PUM1: variants seen among roughly 807,000 people sequenced by gnomAD.
PUM1 encodes the protein pumilio homolog 1.
In PUM1, 13 loss-of-function variants were observed where a neutral mutation model predicts 131.8. The observed-to-expected ratio is 0.10, with a 90% CI of 0.06 to 0.16. The LOEUF (loss-of-function observed/expected upper bound fraction) is 0.16, where lower values mean the gene tolerates loss of function less well. Among genes scored for constraint, PUM1 ranks in the 10% least tolerant of loss-of-function variants. The pLI, the probability that PUM1 is intolerant of heterozygous loss-of-function variation, is 1.00. For synonymous variants in PUM1, 509 were observed against 556.5 expected (o/e 0.91, Z 1.20); for missense variants, 961 against 1,512.4 (o/e 0.64, Z 6.05).
At chr1:31,006,099 C>T (rs1409861546) in intron 4 of PUM1, 68 bp from the exon 5 acceptor site, 1 of 1,348,766 alleles carries the variant, frequency 7.4e-7, no homozygotes, top group Non-Finnish European at 1.0e-6. Flanking sequence ...AGTGATGTCT[C>T]ATGGATAACC....
chr1:31,057,482 T>C (rs1401430245), intron 2 of PUM1, among the ~76,000 whole-genome samples: 1 of 149,984 alleles, frequency 6.7e-6, no homozygotes, highest in Non-Finnish European at 1.5e-5. Context: ...CCCAGCACTT[T>C]GGGAGGCTGA....
chr1:30,983,880 G>A (rs1156921189), intron 7 of PUM1, among the ~76,000 whole-genome samples: 1 of 151,628 alleles, frequency 6.6e-6, no homozygotes, highest in African/African-American at 2.4e-5. Context: ...TGGAATTACA[G>A]GCGTGAGCCA....
chr1:30,954,038 G>C (rs944709439), intron 14 of PUM1, 57 bp from the exon 15 acceptor site: 23 of 1,547,622 alleles, frequency 1.5e-5, no homozygotes, highest in Non-Finnish European at 1.8e-5. Flanking sequence ...TCATTCAAGA[G>C]AGAAAAAAGC....
At chr1:31,063,771 T>TA (rs1309630671) in intron 1 of PUM1, among the ~76,000 whole-genome samples, 1 of 152,206 alleles carries the variant, frequency 6.6e-6, no homozygotes, top group African/African-American at 2.4e-5. Flanking sequence ...TTGGCTTTTG[T>TA]AAAGCTATCT....
At chr1:31,038,623 T>C (rs988410153) in intron 2 of PUM1, among the ~76,000 whole-genome samples, 3 of 152,092 alleles carry the variant, frequency 2.0e-5, no homozygotes, top group African/African-American at 4.8e-5. Context: ...AGTGGTGAAA[T>C]AGTACTGCTA....
intron 6 of PUM1, among the ~76,000 whole-genome samples, chr1:30,994,170 G>A (rs1641902708): frequency 6.6e-6 from 1 of 152,166 alleles, no homozygotes; most frequent in African/African-American, 2.4e-5. Flanking sequence ...CAAAACAACT[G>A]ACACTTGTCC....
intron 2 of PUM1, among the ~76,000 whole-genome samples, chr1:31,053,318 T>C (rs541864633): frequency 1.3e-5 from 2 of 149,934 alleles, no homozygotes; most frequent in South Asian, 4.2e-4. Context: ...CTTAATTGTA[T>C]ACTATGGGTA....
At chr1:30,966,402 T>A in intron 12 of PUM1, 124 bp from the exon 13 acceptor site, 1 of 961,570 alleles carries the variant, frequency 1.0e-6, no homozygotes, top group Non-Finnish European at 1.5e-6. Flanking sequence ...ACACAAACCA[T>A]ACAAATCTGT....
At chr1:31,020,623 G>C (rs193086732) in intron 3 of PUM1, among the ~76,000 whole-genome samples, 1 of 152,196 alleles carries the variant, frequency 6.6e-6, no homozygotes, top group African/African-American at 2.4e-5. Context: ...AGATAACAAA[G>C]AATACTCCAC....
chr1:30,939,505 C>G (rs907749409), intron 20 of PUM1, among the ~76,000 whole-genome samples: 17 of 152,206 alleles, frequency 1.1e-4, no homozygotes, highest in African/African-American at 4.1e-4. Context: ...TGGGAAGTGA[C>G]CACAGGCTAA....
chr1:31,044,247 A>G (rs918131934), intron 2 of PUM1, among the ~76,000 whole-genome samples: 4 of 152,036 alleles, frequency 2.6e-5, no homozygotes, highest in African/African-American at 9.7e-5. Flanking sequence ...TAAAAATACA[A>G]AAAATTAGCC....
At chr1:30,933,885 G>A (rs10914237) in intron 21 of PUM1, among the ~76,000 whole-genome samples, 46,645 of 152,078 alleles carry the variant, frequency 0.31, 7,519 homozygotes, top group Non-Finnish European at 0.34. Context: ...TGAACATCAT[G>A]AGCTGGTGTG....
At chr1:30,965,141 G>A (rs546732512) in intron 13 of PUM1, among the ~76,000 whole-genome samples, 10 of 152,106 alleles carry the variant, frequency 6.6e-5, no homozygotes, top group East Asian at 1.9e-4. Context: ...CTATGGTGTC[G>A]TATATTATAG....
At chr1:31,056,096 T>C (rs536190974) in intron 2 of PUM1, among the ~76,000 whole-genome samples, 4 of 152,222 alleles carry the variant, frequency 2.6e-5, no homozygotes, top group South Asian at 4.2e-4. Context: ...CTGCCTACAG[T>C]ATACACCCAG....
At chr1:31,001,528 T>C (rs1280586654) in intron 5 of PUM1, among the ~76,000 whole-genome samples, 1 of 152,152 alleles carries the variant, frequency 6.6e-6, no homozygotes, top group Non-Finnish European at 1.5e-5. Flanking sequence ...CAGCTAAAAA[T>C]TGAAATTAGA....
At chr1:30,974,474 T>C (rs895326210) in intron 10 of PUM1, among the ~76,000 whole-genome samples, 177 bp downstream of exon 10, 1 of 152,214 alleles carries the variant, frequency 6.6e-6, no homozygotes, top group African/African-American at 2.4e-5. Context: ...GTGTCTAATA[T>C]ATAAAAGACA....
intron 6 of PUM1, 132 bp downstream of exon 6, chr1:30,994,922 C>A: frequency 1.0e-6 from 1 of 957,854 alleles, no homozygotes; most frequent in Non-Finnish European, 1.5e-6. Context: ...TGTAGCATAG[C>A]CTACACTAGA....
intron 7 of PUM1, among the ~76,000 whole-genome samples, chr1:30,986,627 A>T (rs1046038274): frequency 4.6e-5 from 7 of 152,176 alleles, no homozygotes; most frequent in Admixed American, 4.6e-4. Flanking sequence ...AAAACAAATG[A>T]TTTCTAAGGT....
rs184617082 is a variant in PUM1, at chr1:30,971,729, A to G, written c.1506+2922T>C. Among the ~76,000 whole-genome samples the G allele has an allele frequency of 3.0e-3, 460 of 152,334 alleles. 2 individuals carry two copies. The highest frequency in any genetic ancestry group is 4.8e-3 in the Non-Finnish European group (328 of 68,034). On this transcript the variant is annotated intron_variant, in intron 10 of 21. Coordinates refer to ENST00000426105, the MANE Select transcript of PUM1 (RefSeq NM_001020658.2). Reference sequence around the variant, plus strand: ...ATGAAATTCTATTTCATAAAACAAGAAGTTGTACAACTATCATAATAAGAG... The same window carrying G: ...ATGAAATTCTATTTCATAAAACAAGGAGTTGTACAACTATCATAATAAGAG...
Sources: allele counts gnomAD v4.1 joint callset (sites outside exome capture counted in the v4.1 genomes callset), GRCh38; gene constraint gnomAD v4.1.1; transcripts MANE v1.5; gene names NCBI Gene and HGNC (gene_info 2026-07-23, HGNC 2026-07-21).